The following HELQ variants were observed in gnomAD, a reference collection of about 807,000 sequenced individuals.
HELQ encodes helicase, POLQ like.
In HELQ, 77 loss-of-function variants were observed where a neutral mutation model predicts 111.6. The observed-to-expected ratio is 0.69, with a 90% confidence interval of 0.57 to 0.83. HELQ has a LOEUF of 0.83. Among genes scored for constraint, HELQ ranks in the 40% least tolerant of loss-of-function variants. The probability of loss-of-function intolerance (pLI) is 0.00; values close to 1 mark genes in which losing one functional copy is unlikely to be tolerated. For synonymous variants in HELQ, 438 were observed against 454.7 expected (o/e 0.96, Z 0.47); for missense variants, 1,200 against 1,288.5 (o/e 0.93, Z 1.05).
At chr4:83,410,544 T>A (rs1380375097) in intron 17 of HELQ, among the ~76,000 whole-genome samples, 3 of 152,082 alleles carry the variant, frequency 2.0e-5, no homozygotes, top group Non-Finnish European at 4.4e-5. Flanking sequence ...AACACAGGGA[T>A]GAGGTTTCTC....
At chr4:83,428,918 G>A (rs1395195118) in intron 12 of HELQ, among the ~76,000 whole-genome samples, 12 of 152,026 alleles carry the variant, frequency 7.9e-5, no homozygotes, top group Admixed American at 5.2e-4. Context: ...GTAAAGGTCT[G>A]GAAAGATATA....
At chr4:83,418,703 A>T (rs1253657738) in intron 15 of HELQ, among the ~76,000 whole-genome samples, 1 of 152,238 alleles carries the variant, frequency 6.6e-6, no homozygotes, top group Non-Finnish European at 1.5e-5. Flanking sequence ...TATTTGCAAT[A>T]TTCTATTATA....
chr4:83,438,750 A>G lies in HELQ; in HGVS notation c.1808+1113T>C, dbSNP rs76479294. 3.0e-4 allele frequency among the ~76,000 whole-genome samples: 20 copies of G among 66,130 alleles called. 1 individual carries two copies. In the South Asian group the frequency reaches 0.015, roughly 48 times the overall value. 43.4% of individuals were successfully genotyped at this position (66,130 alleles called of 152,430 possible). A position where few individuals can be genotyped will look rare whatever the true frequency, so the allele number is the denominator to read the frequency against. On this transcript the variant is annotated intron_variant, in intron 8 of 17. Transcript: ENST00000295488. Reference sequence around the variant, plus strand: ...GACAGAGTGAGACCCTGTCTCAGGAAAAAAAAAAAAAAAAAAGGAAAAGAG... The same window carrying G: ...GACAGAGTGAGACCCTGTCTCAGGAGAAAAAAAAAAAAAAAAGGAAAAGAG...
intron 2 of HELQ, among the ~76,000 whole-genome samples, chr4:83,449,706 GC>G (rs1721244292): frequency 6.6e-6 from 1 of 152,010 alleles, no homozygotes; most frequent in South Asian, 2.1e-4. Flanking sequence ...AGAAAAATGG[GC>G]AAAAAATTTA....
chr4:83,417,791 G>A (rs936319399), intron 16 of HELQ, among the ~76,000 whole-genome samples: 1 of 152,006 alleles, frequency 6.6e-6, no homozygotes, highest in Non-Finnish European at 1.5e-5. Context: ...CAAAGGAGTG[G>A]AGGAAGGAAG....
intron 15 of HELQ, among the ~76,000 whole-genome samples, chr4:83,419,392 A>G (rs2109970506): frequency 6.6e-6 from 1 of 150,514 alleles, no homozygotes; most frequent in African/African-American, 2.4e-5. Context: ...AGCCTGGGCA[A>G]CACAGCAAGA....
intron 11 of HELQ, among the ~76,000 whole-genome samples, chr4:83,430,273 A>AT (rs972921113): frequency 1.1e-4 from 17 of 149,102 alleles, no homozygotes; most frequent in African/African-American, 4.4e-4. Context: ...TTAAAGTATA[A>AT]TAAAAAAAAA....
intron 14 of HELQ, among the ~76,000 whole-genome samples, chr4:83,422,491 AAGACACAGAG>A (rs1053053155): frequency 1.3e-5 from 2 of 152,162 alleles, no homozygotes; most frequent in Admixed American, 6.5e-5. Context: ...ATAAGAGGAG[AAGACACAGAG>A]AGACACAGAG....
rs777557595 is a variant in HELQ, at chr4:83,437,058, C to T, written c.1848G>A (p.Val616=). Residue 616 remains valine (V), a synonymous_variant, in exon 9 of 18, where the codon GTG becomes GTA. Coordinates refer to ENST00000295488, the MANE Select transcript of HELQ (RefSeq NM_133636.5). The part of the protein sequence containing the change: ...LKHKEKEKCE[V]IKNLKNIGNG... ...TGCCAATATTCTTCAAGTTCTTAAT[C>T]ACCTCACATTTTTCTTTCTCCTTAT... The T allele has an allele frequency of 1.2e-6, 2 of 1,613,430 alleles. No homozygotes were observed. Among genetic ancestry groups the T allele is most frequent in the African/African-American group, 1.3e-5 (1 of 74,934 alleles).
At chr4:83,448,723 G>A in intron 3 of HELQ, 60 bp downstream of exon 3, 1 of 1,298,510 alleles carries the variant, frequency 7.7e-7, no homozygotes. Context: ...CACATTTACA[G>A]ATCTTAACGT....
At chr4:83,419,286 A>T (rs575114627) in intron 15 of HELQ, among the ~76,000 whole-genome samples, 1 of 151,488 alleles carries the variant, frequency 6.6e-6, no homozygotes, top group East Asian at 1.9e-4. Context: ...GCCTTGAAAT[A>T]TTGAAAGTAG....
chr4:83,445,615 GTGA>G (rs1305460379), intron 5 of HELQ, among the ~76,000 whole-genome samples: 1 of 151,958 alleles, frequency 6.6e-6, no homozygotes, highest in East Asian at 1.9e-4. Flanking sequence ...TATTATTATG[GTGA>G]TGATGATGAT....
chr4:83,420,717 G>C (rs188985558), intron 15 of HELQ, among the ~76,000 whole-genome samples: 1 of 152,020 alleles, frequency 6.6e-6, no homozygotes, highest in Admixed American at 6.6e-5. Flanking sequence ...CTCGGGAGGC[G>C]GGGGTTGCAG....
In HELQ at chr4:83,455,814, G is replaced by T. The variant is rs978106538; in HGVS notation, c.-121C>A. On this transcript the variant is annotated 5_prime_UTR_variant, in exon 1 of 18. Transcript: ENST00000295488. ...CATCCACCTTGGGAAAAGACCCCAA[G>T]TTAGCTCTCAGGGCTCGCGGACCGG... The T allele has an allele frequency of 1.9e-6, 2 of 1,026,206 alleles. No homozygotes were observed. The highest frequency in any genetic ancestry group is 2.9e-6 in the Non-Finnish European group (2 of 695,504). 63.6% of individuals were successfully genotyped at this position (1,026,206 alleles called of 1,614,324 possible). A position where few individuals can be genotyped will look rare whatever the true frequency, so the allele number is the denominator to read the frequency against.
chr4:83,424,405 T>A (rs1241954053), intron 14 of HELQ, among the ~76,000 whole-genome samples: 3 of 152,194 alleles, frequency 2.0e-5, no homozygotes, highest in Admixed American at 1.3e-4. Flanking sequence ...TGTGATAACA[T>A]GAATGCTTAA....
intron 17 of HELQ, among the ~76,000 whole-genome samples, chr4:83,416,247 AT>A (rs886085237): frequency 5.4e-5 from 8 of 147,358 alleles, no homozygotes; most frequent in African/African-American, 2.0e-4. Flanking sequence ...CATGCCTGGC[AT>A]TTTTTTTGGG....
chr4:83,453,823 A>G lies in HELQ; in HGVS notation c.420T>C (p.Ala140=). 8 of 1,614,128 alleles carry G rather than the reference A, an allele frequency of 5.0e-6. No individual in the cohort carries two copies. Among genetic ancestry groups the G allele is most frequent in the African/African-American group, 1.3e-5 (1 of 75,050 alleles). ...AAAGATTTTCAGTGGCAAAGTCTGT[A>G]GCATGTTTCTTATGTTCAGGGAGTT... ...YMQLPEHKKH[A]TDFATENLCS... is the part of the protein sequence containing the mutation. Residue 140 remains alanine, a synonymous_variant, in exon 2 of 18, where the codon GCT becomes GCC. Coordinates refer to ENST00000295488, the MANE Select transcript of HELQ (RefSeq NM_133636.5).
Position 83,432,205 on chromosome 4 carries a change from A to G in HELQ, c.2111T>C (p.Met704Thr). 3 of 1,598,894 alleles carry G rather than the reference A, an allele frequency of 1.9e-6. No homozygotes were observed. Among genetic ancestry groups the G allele is most frequent in the Non-Finnish European group, 2.6e-6 (3 of 1,171,632 alleles). ...EFLKRNQYKQ[M>T]IGRAGRAGID... Reference sequence around the variant, plus strand: ...TCCAGCACGACCAGCTCTGCCAATCATCTGTTTATATTGATTCCTCTTTAA... The same window carrying G: ...TCCAGCACGACCAGCTCTGCCAATCGTCTGTTTATATTGATTCCTCTTTAA... Residue 704 changes from methionine to threonine, a missense_variant, in exon 10 of 18, where the codon ATG (methionine) becomes ACG (threonine). By Grantham distance (81) the Met-to-Thr change is moderately conservative. This residue lies in a region of HELQ where 585 missense variants were observed against 665.3 expected (regional missense o/e 0.88). Coordinates refer to ENST00000295488, the MANE Select transcript of HELQ (RefSeq NM_133636.5).
intron 5 of HELQ, among the ~76,000 whole-genome samples, chr4:83,443,930 AG>A (rs1340491307): frequency 2.6e-5 from 4 of 152,188 alleles, no homozygotes; most frequent in Non-Finnish European, 5.9e-5. Context: ...CTGTAGTCCC[AG>A]CTACTTAGGA....
Sources: allele counts gnomAD v4.1 joint callset (sites outside exome capture counted in the v4.1 genomes callset), GRCh38; gene constraint gnomAD v4.1.1; regional missense constraint gnomAD v4.1.1; transcripts MANE v1.5; gene names NCBI Gene and HGNC (gene_info 2026-07-23, HGNC 2026-07-21).